SPIN1: variants seen among roughly 807,000 people sequenced by gnomAD.
SPIN1 encodes spindlin-1.
In SPIN1, 3 loss-of-function variants were observed where a neutral mutation model predicts 26.0. That is an observed-to-expected ratio of 0.12 (90% confidence interval 0.05 to 0.30). The LOEUF is 0.30. Ranked by LOEUF, SPIN1 falls within the 10% of genes least tolerant of loss-of-function variation. The pLI, the probability that SPIN1 is intolerant of heterozygous loss-of-function variation, is 1.00. For synonymous variants in SPIN1, 101 were observed against 116.5 expected, an observed-to-expected ratio of 0.87 and a Z score of 0.86; for missense variants, 126 against 333.4, an observed-to-expected ratio of 0.38 and a Z score of 4.84.
chr9:88,392,911 A>G (rs556017983), intron 1 of SPIN1, among the ~76,000 whole-genome samples: 3 of 152,246 alleles, frequency 2.0e-5, no homozygotes, highest in African/African-American at 2.4e-5. Context: ...TGCATGTAAC[A>G]TTAAGGTGGT....
rs72755890 is a variant in SPIN1, at chr9:88,433,988, G to T, written c.52+7397G>T. ...GAGGACCTCCTTTACGCTGTGTAAA[G>T]TCTCAGTTTCCAAGAACCTATCGAT... On this transcript the variant is annotated intron_variant, in intron 2 of 5. Coordinates refer to ENST00000375859, the MANE Select transcript of SPIN1 (RefSeq NM_006717.3). Among the ~76,000 whole-genome samples the T allele has an allele frequency of 3.6e-3, 551 of 152,090 alleles. 3 individuals are homozygous for T. Among genetic ancestry groups the T allele is most frequent in the South Asian group, 7.5e-3 (36 of 4,814 alleles).
intron 2 of SPIN1, among the ~76,000 whole-genome samples, chr9:88,443,142 A>C (rs1013382586): frequency 6.6e-6 from 1 of 151,920 alleles, no homozygotes; most frequent in Non-Finnish European, 1.5e-5. Flanking sequence ...AAACAAAAAA[A>C]AACTCAGTCT....
At chr9:88,473,276 C>T (rs1277841576) in intron 5 of SPIN1, among the ~76,000 whole-genome samples, 1 of 138,068 alleles carries the variant, frequency 7.2e-6, no homozygotes, top group African/African-American at 3.5e-5. Context: ...GCCTGTAGTC[C>T]CAGCTACTCG....
chr9:88,421,256 T>C (rs1587787635), intron 1 of SPIN1, among the ~76,000 whole-genome samples: 1 of 152,158 alleles, frequency 6.6e-6, no homozygotes, highest in African/African-American at 2.4e-5. Flanking sequence ...ATCTAATGTT[T>C]AGTCTGCATT....
At chr9:88,393,849 T>G (rs1826991614) in intron 1 of SPIN1, among the ~76,000 whole-genome samples, 1 of 151,872 alleles carries the variant, frequency 6.6e-6, no homozygotes, top group South Asian at 2.1e-4. Flanking sequence ...CAATGTGTGT[T>G]TTTGGTTTTT....
At chr9:88,409,312 GT>G (rs112433361) in intron 1 of SPIN1, among the ~76,000 whole-genome samples, 3 of 150,088 alleles carry the variant, frequency 2.0e-5, no homozygotes, top group Admixed American at 2.0e-4. Flanking sequence ...CTTTTTTCTT[GT>G]TTTTTTTTCT....
intron 1 of SPIN1, among the ~76,000 whole-genome samples, chr9:88,398,962 T>C (rs980517070): frequency 2.0e-5 from 3 of 151,982 alleles, no homozygotes; most frequent in Non-Finnish European, 4.4e-5. Flanking sequence ...ATATGGGATA[T>C]GTGTGTGTAT....
At chr9:88,413,768 A>C (rs781382889) in intron 1 of SPIN1, among the ~76,000 whole-genome samples, 5 of 152,138 alleles carry the variant, frequency 3.3e-5, no homozygotes, top group Non-Finnish European at 5.9e-5. Context: ...TTATATATTC[A>C]TCAACAAATA....
At chr9:88,442,321 T>A (rs1828151506) in intron 2 of SPIN1, among the ~76,000 whole-genome samples, 1 of 151,858 alleles carries the variant, frequency 6.6e-6, no homozygotes, top group Non-Finnish European at 1.5e-5. Flanking sequence ...TATCTTCCTT[T>A]TTTGCATGGT....
chr9:88,422,313 T>G (rs1415301644), intron 1 of SPIN1, among the ~76,000 whole-genome samples: 1 of 152,236 alleles, frequency 6.6e-6, no homozygotes, highest in African/African-American at 2.4e-5. Context: ...TCTAAAATTT[T>G]TTTGTTTCCT....
intron 1 of SPIN1, among the ~76,000 whole-genome samples, chr9:88,420,254 A>G (rs1827644641): frequency 6.6e-6 from 1 of 152,218 alleles, no homozygotes; most frequent in South Asian, 2.1e-4. Context: ...GCATGCCTGT[A>G]ATCCCAGCTC....
intron 1 of SPIN1, among the ~76,000 whole-genome samples, chr9:88,404,011 C>T (rs1827243435): frequency 1.3e-5 from 2 of 152,150 alleles, no homozygotes; most frequent in Non-Finnish European, 2.9e-5. Context: ...AAATGGTAAG[C>T]CTATTTGCTC....
intron 1 of SPIN1, among the ~76,000 whole-genome samples, chr9:88,401,131 T>G (rs922814405): frequency 5.9e-5 from 9 of 152,218 alleles, no homozygotes; most frequent in African/African-American, 2.2e-4. Flanking sequence ...AAACAGAATT[T>G]AAAATGCATG....
rs139276920 is a variant in SPIN1, at chr9:88,410,288, C to T, written c.-158-16094C>T. The stretch of plus-strand genomic sequence containing the variant: ...GGTGCAAAAAAAATCTACATTAAAA[C>T]CTTTTGTTGGAATGCTTTAAACAAA... On this transcript the variant is annotated intron_variant, in intron 1 of 5. Coordinates refer to ENST00000375859, the MANE Select transcript of SPIN1 (RefSeq NM_006717.3). Among the ~76,000 whole-genome samples the T allele has an allele frequency of 8.8e-4, 134 of 151,612 alleles. 1 individual carries two copies. Among genetic ancestry groups the T allele is most frequent in the African/African-American group, 3.1e-3 (126 of 41,286 alleles).
At chr9:88,409,551 G>A (rs1030595579) in intron 1 of SPIN1, among the ~76,000 whole-genome samples, 1 of 151,686 alleles carries the variant, frequency 6.6e-6, no homozygotes, top group Admixed American at 6.6e-5. Context: ...TGAGCTACAC[G>A]ACGGCCAGGT....
chr9:88,401,198 A>G (rs557190287), intron 1 of SPIN1, among the ~76,000 whole-genome samples: 2 of 152,308 alleles, frequency 1.3e-5, no homozygotes, highest in South Asian at 4.1e-4. Flanking sequence ...ATGAATTTGG[A>G]CAGTATACAA....
In SPIN1 at chr9:88,405,416, A is replaced by T. The variant is rs533380125; in HGVS notation, c.-159+16878A>T. Among the ~76,000 whole-genome samples, 5 of 150,334 alleles carry T rather than the reference A, an allele frequency of 3.3e-5. No individual in the cohort carries two copies. In the East Asian group the frequency reaches 1.0e-3, roughly 30 times the overall value. On this transcript the variant is annotated intron_variant, in intron 1 of 5. Coordinates refer to ENST00000375859, the MANE Select transcript of SPIN1 (RefSeq NM_006717.3). ...GCTAATTCTTGTATTTTTAGTAGAG[A>T]CGGGGTTTCACCATGTTGGTCAGGC... is the stretch of plus-strand genomic sequence containing the variant.
chr9:88,415,028 C>T (rs962688276), intron 1 of SPIN1, among the ~76,000 whole-genome samples: 6 of 152,058 alleles, frequency 3.9e-5, no homozygotes, highest in African/African-American at 1.2e-4. Flanking sequence ...CTTAGCCTCC[C>T]GAGTAGCTGA....
intron 1 of SPIN1, among the ~76,000 whole-genome samples, chr9:88,402,046 G>A (rs1444515268): frequency 1.3e-5 from 2 of 151,968 alleles, no homozygotes; most frequent in Non-Finnish European, 2.9e-5. Context: ...GCTGGAGTGC[G>A]GCGGTGCGAT....
Sources: allele counts gnomAD v4.1 joint callset (sites outside exome capture counted in the v4.1 genomes callset), GRCh38; gene constraint gnomAD v4.1.1; transcripts MANE v1.5; gene names NCBI Gene and HGNC (gene_info 2026-07-23, HGNC 2026-07-21).